Variants in ULK1 observed in about 807,000 individuals in gnomAD.
The protein encoded by ULK1 is unc-51 like autophagy activating kinase 1, also known as serine/threonine-protein kinase ULK1.
A neutral mutation model predicts 117.5 loss-of-function variants in ULK1; 48 were observed. The observed-to-expected ratio is 0.41, with a 90% CI of 0.32 to 0.52. ULK1 has a LOEUF of 0.52. Ranked by LOEUF, ULK1 falls within the 20% of genes least tolerant of loss-of-function variation. ULK1 has a pLI of 0.29. For missense variants in ULK1, 1,387 were observed against 1,473.4 expected, an observed-to-expected ratio of 0.94 and a Z score of 0.96; for synonymous variants, 790 against 637.8, an observed-to-expected ratio of 1.24 and a Z score of -3.60.
rs769152398 is a variant in ULK1, at chr12:131,908,998, C to T, written c.564+27C>T. The T allele has an allele frequency of 7.8e-5, 126 of 1,612,630 alleles. 2 individuals are homozygous for T. The Admixed American group carries it at 1.3e-3, about 16-fold the overall frequency. ...TGTGTTTACCTTGGCCGGGCTGTGC[C>T]GGGTGGGCGCCTCTCTGGGCTTGCT... On this transcript the variant is annotated intron_variant, in intron 7 of 27. Transcript: ENST00000321867.
intron 22 of ULK1, among the ~76,000 whole-genome samples, chr12:131,917,874 T>C (rs952143354): frequency 3.9e-5 from 6 of 152,226 alleles, no homozygotes; most frequent in Non-Finnish European, 8.8e-5. Context: ...TGCCGTGGGC[T>C]GTGCTGTGTT....
chr12:131,916,002 C>T lies in ULK1; in HGVS notation c.1721C>T (p.Pro574Leu). 6.2e-7 allele frequency: 1 copy of T among 1,612,376 alleles called. No individual in the cohort carries two copies. The highest frequency in any genetic ancestry group is 8.5e-7 in the Non-Finnish European group (1 of 1,179,758). ...GTCCGCCCCAAGCTGCCCAAACCCC[C>T]CACGGACCCCCTGGGAGCTGTGTTC... is the stretch of plus-strand genomic sequence containing the variant. ...HVVRPKLPKP[P>L]TDPLGAVFSP... The change falls in exon 19 of 28, where the codon CCC (proline) becomes CTC (leucine). Residue 574 changes from proline to leucine, a missense_variant. Physicochemically the swap from Pro to Leu is moderately conservative, Grantham distance 98. Coordinates refer to ENST00000321867, the MANE Select transcript of ULK1 (RefSeq NM_003565.4).
At chr12:131,905,232 C>T (rs1026834356) in intron 3 of ULK1, among the ~76,000 whole-genome samples, 2 of 152,198 alleles carry the variant, frequency 1.3e-5, no homozygotes, top group Non-Finnish European at 2.9e-5. Context: ...ACTCAGCATC[C>T]TCGTCCAGCC....
chr12:131,920,515 G>C (rs550860951), intron 26 of ULK1: 3 of 254,664 alleles, frequency 1.2e-5, no homozygotes, highest in East Asian at 2.0e-4. Context: ...AAGACTCCCT[G>C]CTTGGGCTCT....
intron 18 of ULK1, among the ~76,000 whole-genome samples, 179 bp downstream of exon 18, chr12:131,915,600 C>T (rs937184373): frequency 2.0e-5 from 3 of 152,198 alleles, no homozygotes; most frequent in Non-Finnish European, 2.9e-5. Flanking sequence ...TTTCTTATCC[C>T]CTCTGTGCCA....
Position 131,921,373 on chromosome 12 carries a change from T to C in ULK1, c.*12T>C. ...GCATCTGTGCCTGACCTTTCTGGCCTGGCTGGGCCCCCCGTCCTGCCGAGC... is the reference window on the plus strand; with the variant it reads ...GCATCTGTGCCTGACCTTTCTGGCCCGGCTGGGCCCCCCGTCCTGCCGAGC... On this transcript the variant is annotated 3_prime_UTR_variant, in exon 28 of 28. Coordinates refer to ENST00000321867, the MANE Select transcript of ULK1 (RefSeq NM_003565.4). 2.5e-6 allele frequency: 4 copies of C among 1,602,216 alleles called. No individual in the cohort carries two copies. The highest frequency in any genetic ancestry group is 1.3e-5 in the African/African-American group (1 of 75,058).
chr12:131,895,991 G>T (rs1233612946), intron 3 of ULK1, among the ~76,000 whole-genome samples, 167 bp downstream of exon 3: 1 of 152,052 alleles, frequency 6.6e-6, no homozygotes, highest in Non-Finnish European at 1.5e-5. Context: ...GGCTCTTGCT[G>T]TGACTTCCCC....
intron 26 of ULK1, 100 bp from the exon 27 acceptor site, chr12:131,921,000 C>G: frequency 6.9e-7 from 1 of 1,445,046 alleles, no homozygotes; most frequent in Non-Finnish European, 9.1e-7. Flanking sequence ...CCCTGAGCGC[C>G]TATCTGCCAC....
At chr12:131,918,969 AGGGTGTGTGGGGTGTC>A (rs1295584783) in intron 23 of ULK1, among the ~76,000 whole-genome samples, 7 of 11,996 alleles carry the variant, frequency 5.8e-4, no homozygotes, top group African/African-American at 1.6e-3. Context: ...TGTGGGGTGC[AGGGTGTGTGGGGTGTC>A]GGGTGTGTGG....
intron 23 of ULK1, 79 bp downstream of exon 23, chr12:131,918,760 A>ATAGGGTGTGTGGGGTT: frequency 1.1e-5 from 6 of 535,730 alleles, no homozygotes; most frequent in Admixed American, 6.1e-5. Context: ...TGTGTGGGGT[A>ATAGGGTGTGTGGGGTT]TAGGGTGTGT....
At chr12:131,905,693 C>T (rs1325887040) in intron 3 of ULK1, among the ~76,000 whole-genome samples, 3 of 152,198 alleles carry the variant, frequency 2.0e-5, no homozygotes, top group Non-Finnish European at 4.4e-5. Flanking sequence ...TCCTGGGCCT[C>T]ACTCTCCTTG....
chr12:131,906,049 C>T (rs11246869), intron 3 of ULK1, among the ~76,000 whole-genome samples: 17,106 of 151,684 alleles, frequency 0.11, 1,858 homozygotes, highest in African/African-American at 0.28. Flanking sequence ...AGCTGGAGGC[C>T]GCAGGCCTCT....
intron 22 of ULK1, 83 bp downstream of exon 22, chr12:131,917,637 T>G (rs921905796): frequency 9.5e-6 from 12 of 1,264,060 alleles, no homozygotes; most frequent in Middle Eastern, 2.8e-4. Context: ...TTAACTCGGG[T>G]CACTGGACTA....
At chr12:131,897,846 C>CCGTG (rs1383984963) in intron 3 of ULK1, 2 of 152,002 alleles carry the variant, frequency 1.3e-5, no homozygotes, top group Non-Finnish European at 2.9e-5. Flanking sequence ...CTGCAGTGAG[C>CCGTG]CGTGATGTTG....
At chr12:131,909,674 C>T (rs1889439779) in intron 8 of ULK1, 101 bp from the exon 9 acceptor site, 4 of 1,258,192 alleles carry the variant, frequency 3.2e-6, no homozygotes, top group East Asian at 2.6e-5. Context: ...GGCTTCGCAG[C>T]GTCTGGGGCA....
At position 131,916,212 on chromosome 12, in the gene ULK1, G is replaced by A. The variant is rs1030362786; in HGVS notation, c.1878+53G>A. 5 of 1,584,832 alleles carry A rather than the reference G, an allele frequency of 3.2e-6. No homozygotes were observed. In the Admixed American group the frequency reaches 7.5e-5, roughly 24 times the overall value. On this transcript the variant is annotated intron_variant, in intron 19 of 27. Coordinates refer to ENST00000321867, the MANE Select transcript of ULK1 (RefSeq NM_003565.4). ...GCACAGAGCCCTGGGGAAGATGTGT[G>A]GGAATGGCCAGTCCTGAACAAAGAC...
intron 3 of ULK1, 125 bp from the exon 4 acceptor site, chr12:131,906,767 G>C (rs886151063): frequency 3.0e-5 from 36 of 1,216,154 alleles, no homozygotes; most frequent in South Asian, 1.0e-4. Context: ...TCTCCCGGCC[G>C]CTGGCTGACC....
intron 13 of ULK1, 56 bp downstream of exon 13, chr12:131,912,145 A>C (rs1418239604): frequency 6.4e-7 from 1 of 1,560,166 alleles, no homozygotes; most frequent in Non-Finnish European, 8.7e-7. Context: ...GGGACAGTGC[A>C]TTGCATGTGT....
chr12:131,918,760 A>ATAGGGTGTGTGGGGCG (rs1889984102), intron 23 of ULK1, 79 bp downstream of exon 23: 3 of 536,992 alleles, frequency 5.6e-6, no homozygotes, highest in Admixed American at 6.1e-5. Flanking sequence ...TGTGTGGGGT[A>ATAGGGTGTGTGGGGCG]TAGGGTGTGT....
Sources: allele counts gnomAD v4.1 joint callset (sites outside exome capture counted in the v4.1 genomes callset), GRCh38; gene constraint gnomAD v4.1.1; transcripts MANE v1.5; gene names NCBI Gene and HGNC (gene_info 2026-07-23, HGNC 2026-07-21).